DPYD: variants seen among roughly 807,000 people sequenced by gnomAD.
DPYD encodes dihydropyrimidine dehydrogenase [NADP(+)].
Under a neutral mutation model 116.2 loss-of-function variants are expected in DPYD, and 109 were observed. The ratio of observed to expected loss-of-function variants is 0.94; its 90% CI spans 0.80 to 1.10. The LOEUF (loss-of-function observed/expected upper bound fraction) is 1.10, where lower values mean the gene tolerates loss of function less well. Ranked by LOEUF, DPYD falls within the 50% of genes least tolerant of loss-of-function variation. DPYD has a pLI of 0.00. For synonymous variants in DPYD, 440 were observed against 432.0 expected (o/e 1.02, Z -0.23); for missense variants, 1,302 against 1,254.5 (o/e 1.04, Z -0.57).
At chr1:97,134,038 T>TTCTA in intron 20 of DPYD, among the ~76,000 whole-genome samples, 1 of 51,232 alleles carries the variant, frequency 2.0e-5, no homozygotes, top group Non-Finnish European at 3.4e-5. Context: ...TATATATATA[T>TTCTA]ATATATATAT....
chr1:97,693,901 A>G (rs1661161786), intron 6 of DPYD, among the ~76,000 whole-genome samples: 2 of 152,206 alleles, frequency 1.3e-5, no homozygotes, highest in African/African-American at 2.4e-5. Flanking sequence ...TGACTTAAGA[A>G]AAAAACTCTG....
intron 10 of DPYD, among the ~76,000 whole-genome samples, chr1:97,583,769 T>C (rs2102220189): frequency 6.6e-6 from 1 of 152,286 alleles, no homozygotes; most frequent in African/African-American, 2.4e-5. Flanking sequence ...GCAATATTTT[T>C]TTTAACAGTT....
chr1:97,688,501 T>G (rs1009183705), intron 7 of DPYD, among the ~76,000 whole-genome samples: 9 of 152,012 alleles, frequency 5.9e-5, no homozygotes, highest in African/African-American at 2.2e-4. Flanking sequence ...GTCATAGTTC[T>G]ATTTCATAAG....
chr1:97,213,538 A>G (rs1286813581), intron 19 of DPYD, among the ~76,000 whole-genome samples: 1 of 152,186 alleles, frequency 6.6e-6, no homozygotes, highest in African/African-American at 2.4e-5. Flanking sequence ...TGAAAATCAA[A>G]TCACAGATTT....
chr1:97,825,139 C>T (rs185289191), intron 3 of DPYD, among the ~76,000 whole-genome samples: 1 of 152,158 alleles, frequency 6.6e-6, no homozygotes, highest in Non-Finnish European at 1.5e-5. Flanking sequence ...CCTTTTTACA[C>T]ACCAGGGCTA....
At chr1:97,724,527 C>A (rs987922305) in intron 4 of DPYD, among the ~76,000 whole-genome samples, 8 of 151,286 alleles carry the variant, frequency 5.3e-5, no homozygotes, top group African/African-American at 1.9e-4. Context: ...TAGTTCTAGT[C>A]CAAGAGTAGG....
At chr1:97,391,288 C>G (rs1672692555) in intron 14 of DPYD, among the ~76,000 whole-genome samples, 1 of 151,968 alleles carries the variant, frequency 6.6e-6, no homozygotes, top group African/African-American at 2.4e-5. Context: ...CCCGTTAGCA[C>G]TTAATTTCCA....
intron 19 of DPYD, among the ~76,000 whole-genome samples, chr1:97,206,650 A>ATGTG (rs1659630447): frequency 1.9e-5 from 1 of 52,116 alleles, no homozygotes; most frequent in African/African-American, 2.0e-4. Context: ...ATATATATAT[A>ATGTG]TATATATATA....
chr1:97,535,972 G>A (rs1649962789), intron 12 of DPYD, among the ~76,000 whole-genome samples: 1 of 152,180 alleles, frequency 6.6e-6, no homozygotes, highest in Admixed American at 6.5e-5. Flanking sequence ...TATCAAAGAG[G>A]AAAATTATGT....
At chr1:97,669,162 T>C (rs1659725562) in intron 8 of DPYD, among the ~76,000 whole-genome samples, 2 of 152,190 alleles carry the variant, frequency 1.3e-5, no homozygotes, top group Admixed American at 1.3e-4. Context: ...TGGCACTGCA[T>C]GGTTAATCAG....
chr1:97,118,236 C>T (rs1225437364), intron 20 of DPYD, among the ~76,000 whole-genome samples: 1 of 152,218 alleles, frequency 6.6e-6, no homozygotes, highest in Middle Eastern at 3.4e-3. Context: ...CACATCGTCT[C>T]CCAGTCCAGG....
rs915462957 is a variant in DPYD, at chr1:97,094,727, G to A, written c.2766+3762C>T. Among the ~76,000 whole-genome samples, 28 of 152,112 alleles carry A rather than the reference G, an allele frequency of 1.8e-4. 1 individual carries two copies. The highest frequency in any genetic ancestry group is 5.6e-4 in the African/African-American group (23 of 41,422). On this transcript the variant is annotated intron_variant, in intron 21 of 22. Transcript: ENST00000370192. ...GTCTGAAGTATAGAAAAGATGTCTC[G>A]GATGGAGAATAGTTGAGTCATTGTG...
At chr1:97,882,891 G>C (rs1672299362) in intron 2 of DPYD, among the ~76,000 whole-genome samples, 1 of 151,926 alleles carries the variant, frequency 6.6e-6, no homozygotes, top group Non-Finnish European at 1.5e-5. Context: ...CTGTATCATT[G>C]TGTCATTAGG....
intron 8 of DPYD, among the ~76,000 whole-genome samples, chr1:97,624,978 T>A (rs1470016357): frequency 1.3e-5 from 2 of 151,982 alleles, no homozygotes; most frequent in Non-Finnish European, 2.9e-5. Context: ...GGGGTGATGA[T>A]GGTCAAAGGG....
At chr1:97,217,116 G>C (rs2101884389) in intron 19 of DPYD, among the ~76,000 whole-genome samples, 1 of 152,154 alleles carries the variant, frequency 6.6e-6, no homozygotes, top group Middle Eastern at 3.4e-3. Flanking sequence ...GCTGAGGCAG[G>C]AGAATCGCTT....
rs1178968242 is a variant in DPYD, at chr1:97,359,098, C to G, written c.2058+14463G>C. Among the ~76,000 whole-genome samples the G allele has an allele frequency of 5.9e-5, 9 of 152,070 alleles. No homozygotes were observed. In the East Asian group the frequency reaches 1.5e-3, roughly 26 times the overall value. ...GAGATGAATGGCCACCTAGAATAAA[C>G]AGTGTGGAGAAAAACTTAAATGACC... On this transcript the variant is annotated intron_variant, in intron 16 of 22. Coordinates refer to ENST00000370192, the MANE Select transcript of DPYD (RefSeq NM_000110.4).
chr1:97,404,064 G>A (rs1351976965), intron 14 of DPYD, among the ~76,000 whole-genome samples: 4 of 151,756 alleles, frequency 2.6e-5, no homozygotes, highest in Non-Finnish European at 4.4e-5. Flanking sequence ...GTTATTTAGA[G>A]GTGTGTTGTT....
At chr1:97,447,623 G>C (rs527753230) in intron 14 of DPYD, among the ~76,000 whole-genome samples, 2 of 152,102 alleles carry the variant, frequency 1.3e-5, no homozygotes, top group Non-Finnish European at 2.9e-5. Context: ...AGCATTCTAA[G>C]AGAAGAAAAT....
At chr1:97,383,944 C>CA (rs548235935) in intron 14 of DPYD, among the ~76,000 whole-genome samples, 3 of 151,898 alleles carry the variant, frequency 2.0e-5, no homozygotes, top group Non-Finnish European at 2.9e-5. Context: ...CTTGCCTCCA[C>CA]AAAAAAATAG....
Sources: gnomAD v4.1 joint callset for allele counts (sites outside exome capture counted in the v4.1 genomes callset) on GRCh38, gnomAD v4.1.1 for gene constraint, MANE v1.5 for transcripts, NCBI Gene and HGNC (gene_info 2026-07-23, HGNC 2026-07-21) for gene names.